Variants in CEP152 observed in about 807,000 individuals in gnomAD.
CEP152 encodes the protein centrosomal protein 152.
A neutral mutation model predicts 188.9 loss-of-function variants in CEP152; 132 were observed. The observed-to-expected ratio is 0.70, with a 90% CI of 0.61 to 0.81. CEP152 has a LOEUF of 0.81. CEP152 is among the 30% of genes least tolerant of loss of function. The pLI is 0.00. For synonymous variants in CEP152, 649 were observed against 666.6 expected, an observed-to-expected ratio of 0.97 and a Z score of 0.41; for missense variants, 1,914 against 1,969.8, an observed-to-expected ratio of 0.97 and a Z score of 0.54.
chr15:48,800,940 A>G (rs971845949), intron 2 of CEP152, among the ~76,000 whole-genome samples: 2 of 152,250 alleles, frequency 1.3e-5, no homozygotes, highest in Non-Finnish European at 2.9e-5. Flanking sequence ...AAAAGCCTAC[A>G]TTCAGGGGCA....
chr15:48,778,666 G>A (rs1384267157), intron 12 of CEP152, among the ~76,000 whole-genome samples: 2 of 152,002 alleles, frequency 1.3e-5, no homozygotes. Flanking sequence ...ATGAGTACAG[G>A]AGGCCGGGCG....
At chr15:48,731,475 C>T (rs1595571979) in intron 2 of CEP152, among the ~76,000 whole-genome samples, 1 of 152,124 alleles carries the variant, frequency 6.6e-6, no homozygotes, top group Admixed American at 6.5e-5. Context: ...GGAGAACTGG[C>T]TAGCCATATG....
downstream of CEP152, among the ~76,000 whole-genome samples, chr15:48,736,960 G>T (rs1166764813): frequency 6.6e-6 from 1 of 152,180 alleles, no homozygotes; most frequent in African/African-American, 2.4e-5. Context: ...CAGCCTAACT[G>T]TTGGAGAAGG....
chr15:48,756,407 C>T lies in CEP152; in HGVS notation c.2841G>A (p.Val947=), dbSNP rs771587296. 1.2e-6 allele frequency: 2 copies of T among 1,612,904 alleles called. No homozygotes were observed. The highest frequency in any genetic ancestry group is 3.3e-5 in the Admixed American group (2 of 59,928). The change falls in exon 20 of 27, where the codon GTG becomes GTA. Residue 947 remains valine (V), a synonymous_variant. Transcript: ENST00000380950. ...ELELKNEEVP[V]VIRAELAKAR... is the part of the protein sequence containing the mutation. ...CCTTAGCTAACTCAGCCCTGATGACCACAGGGACTTCTTCGTTCTTTAACT... is the reference window on the plus strand; with the variant it reads ...CCTTAGCTAACTCAGCCCTGATGACTACAGGGACTTCTTCGTTCTTTAACT...
rs754432509 is a variant in CEP152, at chr15:48,738,575, T to G, written c.4807A>C (p.Ser1603Arg). Residue 1603 changes from serine (S) to arginine (R), a missense_variant, in exon 27 of 27, where the codon AGT becomes CGT. Transcript: ENST00000380950. ...GRPQGTLEIP[S>R]ESVKSKQFSP... The stretch of plus-strand genomic sequence containing the variant: ...AACTGTTTGGATTTAACAGATTCAC[T>G]TGGTATTTCCAAAGTTCCTTGTGGC... 23 of 1,614,220 alleles carry G rather than the reference T, an allele frequency of 1.4e-5. No individual in the cohort carries two copies. Among genetic ancestry groups the G allele is most frequent in the Non-Finnish European group, 1.6e-5 (19 of 1,180,026 alleles).
At chr15:48,779,922 T>C (rs548823225) in intron 12 of CEP152, among the ~76,000 whole-genome samples, 8 of 152,268 alleles carry the variant, frequency 5.3e-5, no homozygotes, top group Non-Finnish European at 1.0e-4. Flanking sequence ...TGTGGACATT[T>C]TGATGTGGAT....
intron 7 of CEP152, among the ~76,000 whole-genome samples, 178 bp downstream of exon 7, chr15:48,793,143 G>A (rs1897090971): frequency 6.6e-6 from 1 of 152,162 alleles, no homozygotes; most frequent in Admixed American, 6.5e-5. Flanking sequence ...GTGTTCCAAA[G>A]AGAAGTAATC....
intron 13 of CEP152, among the ~76,000 whole-genome samples, chr15:48,769,506 G>A (rs922704010): frequency 6.6e-6 from 1 of 152,134 alleles, no homozygotes; most frequent in East Asian, 1.9e-4. Flanking sequence ...ATCAGGTTAT[G>A]CATCTTTGGC....
Position 48,808,312 on chromosome 15 carries a change from A to G in CEP152, c.-8+2649T>C, listed in dbSNP as rs1314889915. On this transcript the variant is annotated intron_variant, in intron 1 of 26. Transcript: ENST00000380950. The stretch of plus-strand genomic sequence containing the variant: ...TCCAAAAGCCATAAAGAAAAATGTG[A>G]TGGAAACCTAACCACAAAAAATAAA... Among the ~76,000 whole-genome samples the G allele has an allele frequency of 1.2e-4, 18 of 151,834 alleles. 1 individual carries two copies. The highest frequency in any genetic ancestry group is 1.2e-3 in the Admixed American group (18 of 15,262).
chr15:48,805,535 CTTTTTTTTT>C lies in CEP152; in HGVS notation c.87+19_87+27del. 2.4e-6 allele frequency: 3 copies of C among 1,239,472 alleles called. No individual in the cohort carries two copies. Among genetic ancestry groups the C allele is most frequent in the Non-Finnish European group, 3.3e-6 (3 of 915,210 alleles). 76.8% of individuals were successfully genotyped at this position (1,239,472 alleles called of 1,614,324 possible). A position where few individuals can be genotyped will look rare whatever the true frequency, so the allele number is the denominator to read the frequency against. On this transcript the variant is annotated intron_variant, in intron 2 of 26. Coordinates refer to ENST00000380950, the MANE Select transcript of CEP152 (RefSeq NM_001194998.2). ...TTGTTAAAGATTGGGTTTAGTGTCT[CTTTTTTTTT>C]TTTTTTTTAACAACTTACCTCTTTC...
At chr15:48,759,849 A>G (rs1894549826) in intron 19 of CEP152, among the ~76,000 whole-genome samples, 1 of 152,236 alleles carries the variant, frequency 6.6e-6, no homozygotes, top group Admixed American at 6.5e-5. Context: ...TATAGCTAAT[A>G]ATAAACAAAT....
chr15:48,779,510 C>T (rs1211966832), intron 12 of CEP152, among the ~76,000 whole-genome samples: 2 of 152,156 alleles, frequency 1.3e-5, no homozygotes, highest in African/African-American at 4.8e-5. Context: ...ATAGTAACAG[C>T]CATCATTTAT....
chr15:48,798,472 C>T (rs1482557808), intron 2 of CEP152, among the ~76,000 whole-genome samples: 1 of 152,090 alleles, frequency 6.6e-6, no homozygotes, highest in African/African-American at 2.4e-5. Context: ...ATGTGAGTAG[C>T]CAGATGCACT....
chr15:48,774,200 A>G (rs969373542), intron 12 of CEP152, among the ~76,000 whole-genome samples: 1 of 152,154 alleles, frequency 6.6e-6, no homozygotes, highest in Non-Finnish European at 1.5e-5. Flanking sequence ...TATAATTAAA[A>G]ACAAAGATAA....
chr15:48,793,875 A>G (rs971352431), intron 6 of CEP152, among the ~76,000 whole-genome samples: 42 of 152,266 alleles, frequency 2.8e-4, no homozygotes, highest in Admixed American at 2.7e-3. Context: ...CTGTCAGAAA[A>G]TTAAAAACAA....
intron 12 of CEP152, chr15:48,773,656 C>G (rs1895707074): frequency 6.6e-6 from 1 of 152,158 alleles, no homozygotes; most frequent in Non-Finnish European, 1.5e-5. Context: ...AGCCATAATG[C>G]AAAGACTTCC....
intron 2 of CEP152, among the ~76,000 whole-genome samples, chr15:48,732,851 G>A (rs1047087003): frequency 1.3e-5 from 2 of 151,940 alleles, no homozygotes; most frequent in African/African-American, 4.8e-5. Context: ...GGTGGCTCAT[G>A]CTTAAAATTT....
At chr15:48,809,189 C>G (rs1207159835) in intron 1 of CEP152, among the ~76,000 whole-genome samples, 1 of 152,172 alleles carries the variant, frequency 6.6e-6, no homozygotes, top group Admixed American at 6.5e-5. Context: ...TATCTGCCTG[C>G]TTGCACATGG....
chr15:48,777,858 A>G (rs1472388248), intron 12 of CEP152, among the ~76,000 whole-genome samples: 12 of 152,138 alleles, frequency 7.9e-5, no homozygotes. Flanking sequence ...GTACTCCTAG[A>G]GGGAGCCAAG....
Sources: allele counts gnomAD v4.1 joint callset (sites outside exome capture counted in the v4.1 genomes callset), GRCh38; gene constraint gnomAD v4.1.1; transcripts MANE v1.5; gene names NCBI Gene and HGNC (gene_info 2026-07-23, HGNC 2026-07-21).